Variants in LRRC69 observed in about 807,000 individuals in gnomAD.
LRRC69 encodes the protein leucine rich repeat containing 69, also known as leucine-rich repeat-containing protein 69.
LRRC69 carries 42 observed loss-of-function variants against 37.8 expected under a neutral mutation model. That is an observed-to-expected ratio of 1.11 (90% confidence interval 0.87 to 1.44). LRRC69 has a LOEUF of 1.44. Ranked by LOEUF, LRRC69 falls within the 40% of genes most tolerant of loss-of-function variation. LRRC69 has a pLI of 0.00. For synonymous variants in LRRC69, 141 were observed against 143.1 expected, an observed-to-expected ratio of 0.99 and a Z score of 0.11; for missense variants, 357 against 401.9, an observed-to-expected ratio of 0.89 and a Z score of 0.96.
chr8:91,179,977 C>G (rs1461342284), intron 5 of LRRC69, among the ~76,000 whole-genome samples: 1 of 152,148 alleles, frequency 6.6e-6, no homozygotes, highest in Non-Finnish European at 1.5e-5. Context: ...CTATTTCATT[C>G]AACTTTTCAT....
intron 5 of LRRC69, among the ~76,000 whole-genome samples, chr8:91,168,124 T>A (rs1809061254): frequency 6.6e-6 from 1 of 151,834 alleles, no homozygotes; most frequent in African/African-American, 2.4e-5. Context: ...TTTAAGGTAG[T>A]GTCATGAAGA....
At chr8:91,208,325 G>A (rs1486289309) in intron 7 of LRRC69, among the ~76,000 whole-genome samples, 1 of 152,108 alleles carries the variant, frequency 6.6e-6, no homozygotes, top group African/African-American at 2.4e-5. Context: ...TGAGACACTC[G>A]AAGCCCTGGG....
chr8:91,186,474 A>AG (rs1809409825), intron 5 of LRRC69, among the ~76,000 whole-genome samples: 1 of 152,094 alleles, frequency 6.6e-6, no homozygotes, highest in African/African-American at 2.4e-5. Flanking sequence ...GATAAGATAC[A>AG]GGCCTGTCAT....
intron 1 of LRRC69, among the ~76,000 whole-genome samples, chr8:91,109,760 C>T (rs2130477899): frequency 6.6e-6 from 1 of 151,998 alleles, no homozygotes; most frequent in Admixed American, 6.6e-5. Context: ...AACATGCTGG[C>T]CATGGAAACT....
chr8:91,124,548 A>T (rs1325680227), exon 2 of LRRC69: 2 of 1,540,568 alleles, frequency 1.3e-6, no homozygotes, highest in Non-Finnish European at 1.8e-6. Flanking sequence ...GAAGAGATGA[A>T]ATATCTTACA....
At chr8:91,197,596 A>G (rs1284510182) in intron 6 of LRRC69, among the ~76,000 whole-genome samples, 1 of 151,754 alleles carries the variant, frequency 6.6e-6, no homozygotes, top group African/African-American at 2.4e-5. Flanking sequence ...GGTGGGAGTG[A>G]CCCGATTTTC....
chr8:91,143,063 C>T (rs1429833068), intron 5 of LRRC69, among the ~76,000 whole-genome samples: 2 of 152,140 alleles, frequency 1.3e-5, no homozygotes, highest in East Asian at 3.9e-4. Flanking sequence ...TTCGGTTAGC[C>T]TTACTTCTTT....
intron 5 of LRRC69, among the ~76,000 whole-genome samples, chr8:91,166,513 A>C (rs796294903): frequency 2.8e-5 from 4 of 144,604 alleles, no homozygotes; most frequent in East Asian, 4.3e-4. Context: ...AAAAAAAAAA[A>C]AAACCTATGA....
chr8:91,144,145 G>T (rs1808576998), intron 5 of LRRC69, among the ~76,000 whole-genome samples: 1 of 151,876 alleles, frequency 6.6e-6, no homozygotes, highest in Admixed American at 6.6e-5. Flanking sequence ...TTTAAGGTTT[G>T]GTCTGAGATA....
intron 6 of LRRC69, among the ~76,000 whole-genome samples, chr8:91,197,217 G>C (rs543033335): frequency 1.3e-3 from 204 of 152,306 alleles, no homozygotes; most frequent in African/African-American, 4.3e-3. Context: ...CTCCAGCCGC[G>C]TGCTGGGAGA....
intron 5 of LRRC69, among the ~76,000 whole-genome samples, chr8:91,181,153 G>A (rs1809317963): frequency 6.6e-6 from 1 of 152,034 alleles, no homozygotes; most frequent in Non-Finnish European, 1.5e-5. Context: ...AGATTCAAGA[G>A]TAGAACAATT....
At chr8:91,102,983 C>A in intron 1 of LRRC69, 139 bp downstream of exon 1, 1 of 803,586 alleles carries the variant, frequency 1.2e-6, no homozygotes, top group Non-Finnish European at 1.9e-6. Context: ...TGGAGTGTTG[C>A]TGGAGAGGCA....
intron 5 of LRRC69, among the ~76,000 whole-genome samples, chr8:91,180,546 A>G (rs1378788206): frequency 1.3e-5 from 2 of 152,190 alleles, no homozygotes; most frequent in Non-Finnish European, 2.9e-5. Context: ...ACTCAAGGGG[A>G]GGAGAATTAG....
At chr8:91,127,990 G>C (rs1813749415) in intron 3 of LRRC69, among the ~76,000 whole-genome samples, 1 of 151,936 alleles carries the variant, frequency 6.6e-6, no homozygotes, top group Non-Finnish European at 1.5e-5. Context: ...TTTTAAGTCA[G>C]AGCAACTAGA....
At chr8:91,115,703 T>C (rs1245064086) in intron 1 of LRRC69, among the ~76,000 whole-genome samples, 3 of 151,886 alleles carry the variant, frequency 2.0e-5, no homozygotes, top group African/African-American at 7.2e-5. Flanking sequence ...TTTTTGCAAT[T>C]TGTAAATCAA....
intron 5 of LRRC69, among the ~76,000 whole-genome samples, chr8:91,170,876 G>T (rs1254058681): frequency 1.5e-5 from 2 of 133,868 alleles, no homozygotes; most frequent in African/African-American, 5.8e-5. Flanking sequence ...AAAAGCAATG[G>T]CAACAAAAGC....
intron 5 of LRRC69, among the ~76,000 whole-genome samples, chr8:91,148,408 G>A (rs1808663290): frequency 6.6e-6 from 1 of 151,886 alleles, no homozygotes; most frequent in South Asian, 2.1e-4. Context: ...CAAAGGACAT[G>A]AACTCATCAT....
chr8:91,111,350 T>G (rs777451298), intron 1 of LRRC69, among the ~76,000 whole-genome samples: 1 of 151,888 alleles, frequency 6.6e-6, no homozygotes, highest in Non-Finnish European at 1.5e-5. Context: ...CTGGCCAAGA[T>G]GGTGAAACCC....
intron 5 of LRRC69, among the ~76,000 whole-genome samples, chr8:91,150,516 T>A (rs1808713842): frequency 6.6e-6 from 1 of 152,042 alleles, no homozygotes; most frequent in Admixed American, 6.6e-5. Context: ...TTTGCGTCAA[T>A]GTTCATCAGG....
Sources: allele counts gnomAD v4.1 joint callset (sites outside exome capture counted in the v4.1 genomes callset), GRCh38; gene constraint gnomAD v4.1.1; transcripts MANE v1.5; gene names NCBI Gene and HGNC (gene_info 2026-07-23, HGNC 2026-07-21).